Variants in CMBL observed in about 807,000 individuals in gnomAD.
The protein encoded by CMBL is carboxymethylenebutenolidase homolog (Pseudomonas).
Under a neutral mutation model 28.7 loss-of-function variants are expected in CMBL, and 17 were observed. The observed-to-expected ratio is 0.59, with a 90% CI of 0.41 to 0.89. CMBL has a LOEUF of 0.89. Ranked by LOEUF, CMBL falls within the 40% of genes least tolerant of loss-of-function variation. The probability of loss-of-function intolerance (pLI) is 0.00; values close to 1 mark genes in which losing one functional copy is unlikely to be tolerated. For missense variants in CMBL, 310 were observed against 298.5 expected (o/e 1.04, Z -0.28); for synonymous variants, 106 against 101.6 (o/e 1.04, Z -0.26).
At chr5:10,297,744 A>G (rs971219405) in intron 1 of CMBL, among the ~76,000 whole-genome samples, 1 of 152,114 alleles carries the variant, frequency 6.6e-6, no homozygotes, top group Admixed American at 6.5e-5. Flanking sequence ...GAGAGAGGGA[A>G]CTGGAGAGTG....
At position 10,281,305 on chromosome 5, in the gene CMBL, A is replaced by G. The variant is rs543219237; in HGVS notation, c.559-673T>C. Among the ~76,000 whole-genome samples the G allele has an allele frequency of 1.8e-3, 272 of 152,092 alleles. 1 individual carries two copies. Among genetic ancestry groups the G allele is most frequent in the African/African-American group, 6.2e-3 (257 of 41,466 alleles). On this transcript the variant is annotated intron_variant, in intron 5 of 5. Coordinates refer to ENST00000296658, the MANE Select transcript of CMBL (RefSeq NM_138809.4). Reference sequence around the variant, plus strand: ...CAATCGTGGCTCACTGCAGCCTCCAACTCCTGTGCTCAGGCAATCTTCCTG... The same window carrying G: ...CAATCGTGGCTCACTGCAGCCTCCAGCTCCTGTGCTCAGGCAATCTTCCTG...
At chr5:10,285,432 G>C (rs1395191093) in intron 4 of CMBL, among the ~76,000 whole-genome samples, 2 of 151,944 alleles carry the variant, frequency 1.3e-5, no homozygotes, top group African/African-American at 4.8e-5. Flanking sequence ...CTCCCAAAGT[G>C]CTGGGATTAT....
chr5:10,305,700 T>C (rs574271749), intron 1 of CMBL, among the ~76,000 whole-genome samples: 1 of 152,216 alleles, frequency 6.6e-6, no homozygotes, highest in African/African-American at 2.4e-5. Context: ...GCCTCCTGAG[T>C]AGCTGGGATT....
At chr5:10,300,978 C>T (rs1266798614) in intron 1 of CMBL, among the ~76,000 whole-genome samples, 1 of 151,076 alleles carries the variant, frequency 6.6e-6, no homozygotes, top group Non-Finnish European at 1.5e-5. Context: ...CATTTTGATG[C>T]TAAATAAATA....
intron 1 of CMBL, among the ~76,000 whole-genome samples, chr5:10,299,845 G>C (rs1238928166): frequency 6.6e-6 from 1 of 152,076 alleles, no homozygotes; most frequent in Non-Finnish European, 1.5e-5. Context: ...AAAAAAAAGA[G>C]AGAGAGAGAG....
intron 1 of CMBL, among the ~76,000 whole-genome samples, chr5:10,302,663 G>A (rs1746921095): frequency 1.3e-5 from 2 of 151,384 alleles, no homozygotes; most frequent in South Asian, 2.1e-4. Context: ...CTCCATTGAA[G>A]TTCAGGCACA....
intron 1 of CMBL, among the ~76,000 whole-genome samples, chr5:10,295,579 T>A (rs1043853177): frequency 1.3e-5 from 2 of 152,196 alleles, no homozygotes; most frequent in African/African-American, 4.8e-5. Flanking sequence ...GGCAAGTAGT[T>A]CACAAGTGCA....
In CMBL at chr5:10,280,580, A is replaced by T. The variant is rs1006766272; in HGVS notation, c.611T>A (p.Ile204Asn). The T allele has an allele frequency of 6.2e-7, 1 of 1,613,526 alleles. No homozygotes were observed. The highest frequency in any genetic ancestry group is 8.5e-7 in the Non-Finnish European group (1 of 1,179,538). Residue 204 changes from isoleucine (I) to asparagine (N), a missense_variant, in exon 6 of 6, where the codon ATT becomes AAT. Ile to Asn is a moderately radical substitution (Grantham distance 149). Transcript: ENST00000296658. ...LKEHCKVEYQ[I>N]KTFSGQTHGF... is the part of the protein sequence containing the mutation. ...ATGAGTCTGCCCAGAAAATGTTTTA[A>T]TTTGATATTCAACTTTGCAGTGTTC... is the stretch of plus-strand genomic sequence containing the variant.
chr5:10,290,811 T>C, intron 1 of CMBL, 30 bp from the exon 2 acceptor site: 1 of 1,498,684 alleles, frequency 6.7e-7, no homozygotes, highest in Non-Finnish European at 9.3e-7. Context: ...CGTTATATTC[T>C]GAATGCTGCA....
chr5:10,294,397 C>A (rs888486389), intron 1 of CMBL, among the ~76,000 whole-genome samples: 7 of 150,544 alleles, frequency 4.6e-5, no homozygotes, highest in African/African-American at 1.7e-4. Flanking sequence ...CCCATATCTG[C>A]AAAAAAAAAT....
intron 2 of CMBL, among the ~76,000 whole-genome samples, chr5:10,290,086 C>G (rs1217795545): frequency 6.6e-6 from 1 of 152,188 alleles, no homozygotes; most frequent in Non-Finnish European, 1.5e-5. Context: ...CACTTCTGAA[C>G]CCCAGTCTAA....
chr5:10,284,803 T>C (rs547213618), intron 4 of CMBL, among the ~76,000 whole-genome samples: 1 of 152,350 alleles, frequency 6.6e-6, no homozygotes, highest in East Asian at 1.9e-4. Flanking sequence ...TTAAAGGCTA[T>C]ATTTCCTATG....
intron 1 of CMBL, among the ~76,000 whole-genome samples, chr5:10,294,563 CA>C (rs138753829): frequency 0.046 from 5,793 of 124,774 alleles, 122 homozygotes; most frequent in Non-Finnish European, 0.068. Context: ...GATCCTGTCT[CA>C]AAAAAAAAAA....
intron 4 of CMBL, among the ~76,000 whole-genome samples, chr5:10,284,955 A>G (rs1187540060): frequency 1.4e-5 from 2 of 147,912 alleles, no homozygotes; most frequent in South Asian, 2.1e-4. Flanking sequence ...ATAAATTGCT[A>G]TTTCGATTTT....
chr5:10,286,322 G>T, intron 4 of CMBL, 32 bp downstream of exon 4: 1 of 1,603,118 alleles, frequency 6.2e-7, no homozygotes, highest in East Asian at 2.2e-5. Flanking sequence ...CCTCCCTTCT[G>T]CATGGAGTAA....
chr5:10,282,046 G>C (rs1746503982), intron 5 of CMBL, 151 bp downstream of exon 5: 2 of 575,742 alleles, frequency 3.5e-6, no homozygotes, highest in Admixed American at 6.0e-5. Flanking sequence ...TGTAGTCCCA[G>C]CTACTCGGGA....
chr5:10,306,329 A>G (rs532319363), intron 1 of CMBL, among the ~76,000 whole-genome samples: 1 of 152,180 alleles, frequency 6.6e-6, no homozygotes, highest in Non-Finnish European at 1.5e-5. Context: ...CTAGGAATAC[A>G]TCTCCAGCCT....
chr5:10,280,281 T>C lies in CMBL; in HGVS notation c.*172A>G. On this transcript the variant is annotated 3_prime_UTR_variant, in exon 6 of 6. Coordinates refer to ENST00000296658, the MANE Select transcript of CMBL (RefSeq NM_138809.4). ...TATGATTCGATGTACATGTCAAAAATTAAATTATTTCATGCATTACGTCCT... is the reference window on the plus strand; with the variant it reads ...TATGATTCGATGTACATGTCAAAAACTAAATTATTTCATGCATTACGTCCT... 2 of 516,554 alleles carry C rather than the reference T, an allele frequency of 3.9e-6. No individual in the cohort carries two copies. Among genetic ancestry groups the C allele is most frequent in the Non-Finnish European group, 6.7e-6 (2 of 298,242 alleles). 32.0% of individuals were successfully genotyped at this position (516,554 alleles called of 1,614,324 possible). A position where few individuals can be genotyped will look rare whatever the true frequency, so the allele number is the denominator to read the frequency against.
At chr5:10,306,208 C>G (rs1036482707) in intron 1 of CMBL, among the ~76,000 whole-genome samples, 2 of 152,144 alleles carry the variant, frequency 1.3e-5, no homozygotes, top group Non-Finnish European at 2.9e-5. Context: ...ATTCAAATAA[C>G]TCACAAGTCA....
Sources: allele counts gnomAD v4.1 joint callset (sites outside exome capture counted in the v4.1 genomes callset), GRCh38; gene constraint gnomAD v4.1.1; transcripts MANE v1.5; gene names NCBI Gene and HGNC (gene_info 2026-07-23, HGNC 2026-07-21).